Variants in PTPRD observed in about 807,000 individuals in gnomAD.
The protein encoded by PTPRD is protein tyrosine phosphatase receptor type D.
In PTPRD, 34 loss-of-function variants were observed where a neutral mutation model predicts 214.5. That is an observed-to-expected ratio of 0.16 (90% CI 0.12 to 0.21). The LOEUF (loss-of-function observed/expected upper bound fraction) is 0.21, where lower values mean the gene tolerates loss of function less well. Ranked by LOEUF, PTPRD falls within the 10% of genes least tolerant of loss-of-function variation. The pLI is 1.00. For synonymous variants in PTPRD, 1,128 were observed against 845.7 expected (o/e 1.33, Z -5.79); for missense variants, 2,545 against 2,398.7 (o/e 1.06, Z -1.27).
chr9:9,734,079 A>G (rs1011922594), intron 7 of PTPRD, among the ~76,000 whole-genome samples: 1 of 152,202 alleles, frequency 6.6e-6, no homozygotes, highest in Non-Finnish European at 1.5e-5. Flanking sequence ...TTCTAGCTTT[A>G]CAACATGTAA....
At chr9:8,949,201 G>T (rs1295404376) in intron 11 of PTPRD, among the ~76,000 whole-genome samples, 1 of 144,452 alleles carries the variant, frequency 6.9e-6, no homozygotes, top group African/African-American at 2.6e-5. Context: ...TCCAGCCTGG[G>T]CAACAGAGCG....
intron 2 of PTPRD, among the ~76,000 whole-genome samples, chr9:10,427,002 A>T (rs1303857754): frequency 1.3e-5 from 2 of 152,082 alleles, no homozygotes; most frequent in East Asian, 3.9e-4. Flanking sequence ...GTCTTACAAG[A>T]GATTTCTTCA....
chr9:9,239,781 G>A (rs73388886), intron 9 of PTPRD, among the ~76,000 whole-genome samples: 9,670 of 152,178 alleles, frequency 0.064, 342 homozygotes, highest in South Asian at 0.081. Context: ...TGTGACTCCT[G>A]GTGATCCAGG....
intron 8 of PTPRD, among the ~76,000 whole-genome samples, chr9:9,560,599 C>G (rs1224706610): frequency 6.6e-6 from 1 of 152,182 alleles, no homozygotes; most frequent in Admixed American, 6.5e-5. Flanking sequence ...CCGGGCAAGC[C>G]TCAGGGGCTG....
intron 3 of PTPRD, among the ~76,000 whole-genome samples, chr9:10,306,563 G>C (rs929309748): frequency 6.6e-6 from 1 of 152,000 alleles, no homozygotes; most frequent in Admixed American, 6.6e-5. Flanking sequence ...GTAATAATGA[G>C]AGTTTAACCT....
chr9:10,522,818 A>T (rs1176083151), intron 2 of PTPRD, among the ~76,000 whole-genome samples: 2 of 152,088 alleles, frequency 1.3e-5, no homozygotes, highest in Non-Finnish European at 2.9e-5. Context: ...CTGAACTTTT[A>T]AAAAAGTTGA....
intron 12 of PTPRD, among the ~76,000 whole-genome samples, chr9:8,696,668 A>C (rs551398085): frequency 6.6e-6 from 1 of 152,332 alleles, no homozygotes; most frequent in African/African-American, 2.4e-5. Flanking sequence ...GAGAATTAAA[A>C]TGTCGTGAGC....
At chr9:10,364,205 G>A (rs111650024) in intron 2 of PTPRD, among the ~76,000 whole-genome samples, 6 of 151,844 alleles carry the variant, frequency 4.0e-5, no homozygotes, top group African/African-American at 7.2e-5. Flanking sequence ...GTTTCACCGC[G>A]TTAGCCAGGA....
At chr9:8,521,764 G>C (rs942377598) in intron 19 of PTPRD, among the ~76,000 whole-genome samples, 1 of 152,024 alleles carries the variant, frequency 6.6e-6, no homozygotes, top group South Asian at 2.1e-4. Flanking sequence ...TGATATCTTA[G>C]ACACACTAAT....
chr9:9,130,115 T>C (rs2099840334), intron 10 of PTPRD, among the ~76,000 whole-genome samples: 1 of 152,188 alleles, frequency 6.6e-6, no homozygotes, highest in South Asian at 2.1e-4. Flanking sequence ...CTGAAAAAGC[T>C]ATTCCTGCAC....
intron 7 of PTPRD, among the ~76,000 whole-genome samples, chr9:9,612,633 A>G (rs567617208): frequency 6.6e-6 from 1 of 152,242 alleles, no homozygotes; most frequent in South Asian, 2.1e-4. Flanking sequence ...GCATCAGCCA[A>G]TTATCCTAAG....
At chr9:10,592,965 C>A (rs116588960) in intron 2 of PTPRD, among the ~76,000 whole-genome samples, 149 of 152,050 alleles carry the variant, frequency 9.8e-4, no homozygotes, top group African/African-American at 3.5e-3. Flanking sequence ...TTCTTTCGCT[C>A]TTCACAATAA....
Position 8,486,053 on chromosome 9 carries a change from G to A in PTPRD, c.2764C>T (p.Pro922Ser), listed in dbSNP as rs2096998073. 1.2e-6 allele frequency: 2 copies of A among 1,614,132 alleles called. No homozygotes were observed. Among genetic ancestry groups the A allele is most frequent in the Non-Finnish European group, 1.7e-6 (2 of 1,180,018 alleles). The change falls in exon 28 of 46, where the codon CCT becomes TCT. Residue 922 changes from proline (P) to serine (S), a missense_variant. Pro to Ser is a moderately conservative substitution (Grantham distance 74). Coordinates refer to ENST00000381196, the MANE Select transcript of PTPRD (RefSeq NM_002839.4). ...GTGCCTTCTGAGTGAAGGTTTTGAG[G>A]GAATCCAGTTGGTACTTCTTCTGGA... ...SIPEEVPTGF[P>S]QNLHSEGTTS...
At chr9:9,644,774 C>T (rs537099918) in intron 7 of PTPRD, among the ~76,000 whole-genome samples, 17 of 152,300 alleles carry the variant, frequency 1.1e-4, no homozygotes, top group African/African-American at 3.4e-4. Flanking sequence ...ACAAACCCCA[C>T]TGGCAGAGGA....
At chr9:8,444,012 A>G (rs1173886253) in intron 34 of PTPRD, among the ~76,000 whole-genome samples, 2 of 152,112 alleles carry the variant, frequency 1.3e-5, no homozygotes, top group Non-Finnish European at 2.9e-5. Flanking sequence ...TCAGTAAAGG[A>G]TTTTTACAGT....
At chr9:8,519,165 A>T (rs1332864802) in intron 20 of PTPRD, among the ~76,000 whole-genome samples, 1 of 152,190 alleles carries the variant, frequency 6.6e-6, no homozygotes, top group Non-Finnish European at 1.5e-5. Flanking sequence ...TGCTGAAGGA[A>T]GTAAATTAAG....
At chr9:9,211,134 C>T (rs1371045657) in intron 9 of PTPRD, among the ~76,000 whole-genome samples, 1 of 151,726 alleles carries the variant, frequency 6.6e-6, no homozygotes, top group African/African-American at 2.4e-5. Context: ...TTTTTTTCCA[C>T]AGTCATATGT....
intron 2 of PTPRD, among the ~76,000 whole-genome samples, chr9:10,421,237 T>C (rs1195754151): frequency 2.6e-5 from 4 of 151,838 alleles, no homozygotes; most frequent in Non-Finnish European, 5.9e-5. Flanking sequence ...AGGAGTTCCC[T>C]AGCTAGGTGC....
chr9:10,404,188 T>C (rs2098323818), intron 2 of PTPRD, among the ~76,000 whole-genome samples: 2 of 151,700 alleles, frequency 1.3e-5, no homozygotes, highest in South Asian at 2.1e-4. Flanking sequence ...AAGTAATAAA[T>C]AAATAATAAA....
Sources: allele counts gnomAD v4.1 joint callset (sites outside exome capture counted in the v4.1 genomes callset), GRCh38; gene constraint gnomAD v4.1.1; transcripts MANE v1.5; gene names NCBI Gene and HGNC (gene_info 2026-07-23, HGNC 2026-07-21).